NAA25: variants seen among roughly 807,000 people sequenced by gnomAD.
The protein encoded by NAA25 is N-alpha-acetyltransferase 25, NatB auxiliary subunit.
A neutral mutation model predicts 132.5 loss-of-function variants in NAA25; 30 were observed. The ratio of observed to expected loss-of-function variants is 0.23; its 90% CI spans 0.17 to 0.31. NAA25 has a LOEUF of 0.31. NAA25 is among the 10% of genes least tolerant of loss of function. The probability of loss-of-function intolerance (pLI) is 1.00; values close to 1 mark genes in which losing one functional copy is unlikely to be tolerated. For missense variants in NAA25, 771 were observed against 1,150.4 expected, an observed-to-expected ratio of 0.67 and a Z score of 4.77; for synonymous variants, 359 against 401.9, an observed-to-expected ratio of 0.89 and a Z score of 1.28.
At chr12:112,043,339 T>A in intron 18 of NAA25, 128 bp from the exon 19 acceptor site, 1 of 973,514 alleles carries the variant, frequency 1.0e-6, no homozygotes, top group Non-Finnish European at 1.5e-6. Context: ...ATCAGCAAAC[T>A]AATAACTGAA....
At chr12:112,079,589 G>A (rs1340895771) in intron 5 of NAA25, among the ~76,000 whole-genome samples, 1 of 151,160 alleles carries the variant, frequency 6.6e-6, no homozygotes, top group African/African-American at 2.4e-5. Flanking sequence ...AAAAAACTAA[G>A]GTTAAGAAAT....
intron 1 of NAA25, 132 bp downstream of exon 1, chr12:112,108,584 G>T: frequency 1.0e-6 from 1 of 998,038 alleles, no homozygotes; most frequent in Non-Finnish European, 1.2e-6. Flanking sequence ...CGGCCTAGTG[G>T]CCCGCGCGGC....
Position 112,029,307 on chromosome 12 carries a change from TA to T in NAA25, c.*223del. 1 of 570,414 alleles carries T rather than the reference TA, an allele frequency of 1.8e-6. No individual in the cohort carries two copies. Among genetic ancestry groups the T allele is most frequent in the Non-Finnish European group, 3.0e-6 (1 of 335,028 alleles). The allele number at this position is 570,414 out of a possible 1,614,324, so 35.3% of individuals were successfully genotyped here. ...GCTGCCATATGCATATGAACATGTA[TA>T]AAAAGTGGTCAAACCCAGATGAGGG... On this transcript the variant is annotated 3_prime_UTR_variant, in exon 24 of 24. Coordinates refer to ENST00000261745, the MANE Select transcript of NAA25 (RefSeq NM_024953.4).
intron 22 of NAA25, chr12:112,034,616 A>G (rs1418688008): frequency 6.6e-6 from 1 of 151,680 alleles, no homozygotes; most frequent in African/African-American, 2.4e-5. Context: ...ACAGAGCGAG[A>G]CTCCGTCTCA....
chr12:112,072,332 G>T (rs1196030324), intron 9 of NAA25, among the ~76,000 whole-genome samples: 1 of 152,074 alleles, frequency 6.6e-6, no homozygotes, highest in Non-Finnish European at 1.5e-5. Context: ...GCCTGGCTGG[G>T]CGTGGTGGCT....
intron 12 of NAA25, among the ~76,000 whole-genome samples, chr12:112,060,597 T>C (rs2078613639): frequency 6.6e-6 from 1 of 152,154 alleles, no homozygotes. Context: ...GTATCCATGA[T>C]GGTCCCAAAG....
intron 13 of NAA25, 91 bp from the exon 14 acceptor site, chr12:112,054,659 C>A: frequency 8.9e-7 from 1 of 1,125,056 alleles, no homozygotes; most frequent in Non-Finnish European, 1.2e-6. Flanking sequence ...ACATCATCAC[C>A]CCCCCCAATA....
chr12:112,060,857 TAC>T (rs2078617021), intron 12 of NAA25, among the ~76,000 whole-genome samples: 1 of 152,210 alleles, frequency 6.6e-6, no homozygotes, highest in African/African-American at 2.4e-5. Context: ...TTTGTTCACT[TAC>T]AGTCTATATA....
intron 4 of NAA25, among the ~76,000 whole-genome samples, chr12:112,086,228 G>C (rs1016260068): frequency 3.3e-5 from 5 of 151,156 alleles, no homozygotes; most frequent in African/African-American, 1.2e-4. Context: ...GGGCGCACTG[G>C]CTCACATCTG....
At chr12:112,078,824 A>G (rs2078929963) in intron 5 of NAA25, 83 bp from the exon 6 acceptor site, 1 of 1,075,158 alleles carries the variant, frequency 9.3e-7, no homozygotes, top group Admixed American at 2.0e-5. Context: ...TTGGGCACAT[A>G]ATTATCAATC....
In NAA25 at chr12:112,061,059, C is replaced by T. The variant is rs148538285; in HGVS notation, c.1357+122G>A. 6.3e-4 allele frequency: 455 copies of T among 725,912 alleles called. 5 individuals carry two copies. In the African/African-American group the frequency reaches 7.0e-3, roughly 11 times the overall value. The allele number at this position is 725,912 out of a possible 1,614,324, so 45.0% of individuals were successfully genotyped here. On this transcript the variant is annotated intron_variant, in intron 12 of 23. Transcript: ENST00000261745. ...TACATCATATTACTTAGATGGTCTTCCCAGACAAAATAGTCTCCTTACAAA... is the reference window on the plus strand; with the variant it reads ...TACATCATATTACTTAGATGGTCTTTCCAGACAAAATAGTCTCCTTACAAA...
chr12:112,041,463 C>T (rs1413319766), intron 20 of NAA25, among the ~76,000 whole-genome samples: 6 of 152,094 alleles, frequency 3.9e-5, no homozygotes, highest in African/African-American at 1.4e-4. Flanking sequence ...GCTGGGATTA[C>T]AGGCCGTGAG....
At chr12:112,040,716 A>T in intron 20 of NAA25, 138 bp from the exon 21 acceptor site, 1 of 584,890 alleles carries the variant, frequency 1.7e-6, no homozygotes, top group Non-Finnish European at 3.0e-6. Flanking sequence ...ATAATGAACC[A>T]AACTCCAAAG....
At chr12:112,042,626 C>A (rs1391123072) in intron 19 of NAA25, among the ~76,000 whole-genome samples, 1 of 152,086 alleles carries the variant, frequency 6.6e-6, no homozygotes, top group Non-Finnish European at 1.5e-5. Flanking sequence ...CCTGCCTCAA[C>A]CTCTGGAGTA....
chr12:112,047,617 A>T (rs745504054), intron 17 of NAA25, 48 bp downstream of exon 17: 35 of 1,598,202 alleles, frequency 2.2e-5, no homozygotes, highest in Non-Finnish European at 3.0e-5. Context: ...AAAAAAACAA[A>T]AAACAAACAA....
intron 4 of NAA25, among the ~76,000 whole-genome samples, chr12:112,086,014 CAAAAAAAAAAAAAAAAAAAAAAA>C (rs566528517): frequency 8.3e-5 from 1 of 11,984 alleles, no homozygotes; most frequent in Non-Finnish European, 1.3e-4. Flanking sequence ...GAGACTGTCT[CAAAAAAAAAAAAAAAAAAAAAAA>C]AAAAAAAAAA....
chr12:112,047,590 A>G (rs1313912034), intron 17 of NAA25, 75 bp downstream of exon 17: 3 of 1,540,346 alleles, frequency 1.9e-6, no homozygotes, highest in Non-Finnish European at 1.8e-6. Flanking sequence ...GCAGTGAGCT[A>G]TGATCTTGGT....
chr12:112,076,712 G>A (rs61941317), intron 7 of NAA25, among the ~76,000 whole-genome samples: 2 of 151,612 alleles, frequency 1.3e-5, no homozygotes, highest in African/African-American at 2.4e-5. Flanking sequence ...AAAAAAAAGG[G>A]CCAGGCCTGA....
intron 9 of NAA25, among the ~76,000 whole-genome samples, chr12:112,072,346 G>A (rs1011649453): frequency 1.3e-5 from 2 of 151,400 alleles, no homozygotes; most frequent in Admixed American, 6.6e-5. Context: ...GGTGGCTCAC[G>A]CCTGTAATCC....
Sources: allele counts gnomAD v4.1 joint callset (sites outside exome capture counted in the v4.1 genomes callset), GRCh38; gene constraint gnomAD v4.1.1; transcripts MANE v1.5; gene names NCBI Gene and HGNC (gene_info 2026-07-23, HGNC 2026-07-21).